Variants in FNIP2 observed in about 807,000 individuals in gnomAD.
The protein encoded by FNIP2 is folliculin-interacting protein 2.
Under a neutral mutation model 108.7 loss-of-function variants are expected in FNIP2, and 32 were observed. The observed-to-expected ratio is 0.29, with a 90% CI of 0.22 to 0.40. The LOEUF (loss-of-function observed/expected upper bound fraction) is 0.40. Among genes scored for constraint, FNIP2 ranks in the 10% least tolerant of loss-of-function variants. The probability of loss-of-function intolerance (pLI) is 1.00; values close to 1 mark genes in which losing one functional copy is unlikely to be tolerated. For synonymous variants in FNIP2, 480 were observed against 496.7 expected, an observed-to-expected ratio of 0.97 and a Z score of 0.45; for missense variants, 1,202 against 1,381.6, an observed-to-expected ratio of 0.87 and a Z score of 2.06.
chr4:158,870,241 T>A, intron 13 of FNIP2, 72 bp from the exon 14 acceptor site: 3 of 1,516,990 alleles, frequency 2.0e-6, no homozygotes, highest in Non-Finnish European at 2.7e-6. Flanking sequence ...ATTGGAGTGC[T>A]TGTACCAATT....
chr4:158,831,977 C>T lies in FNIP2; in HGVS notation c.482+16C>T. On this transcript the variant is annotated intron_variant, in intron 4 of 16. Transcript: ENST00000264433. ...ACTACATACGGTGAGTCTGGGCTTC[C>T]TTTTCTACTAGTTTTGAGAAGTGGA... is the stretch of plus-strand genomic sequence containing the variant. 6.2e-7 allele frequency: 1 copy of T among 1,605,668 alleles called. No individual in the cohort carries two copies. The highest frequency in any genetic ancestry group is 8.5e-7 in the Non-Finnish European group (1 of 1,173,654).
chr4:158,861,548 T>A, intron 11 of FNIP2, 59 bp from the exon 12 acceptor site: 1 of 1,613,670 alleles, frequency 6.2e-7, no homozygotes, highest in South Asian at 1.1e-5. Context: ...GTGTACTGCA[T>A]AGGATGTGCC....
At chr4:158,872,264 T>A (rs1780996061) in intron 14 of FNIP2, 1 of 985,342 alleles carries the variant, frequency 1.0e-6, no homozygotes, top group Admixed American at 6.1e-5. Context: ...GTAAAACCAT[T>A]CATGAAATAT....
At chr4:158,790,017 C>A (rs917117333) in intron 1 of FNIP2, among the ~76,000 whole-genome samples, 1 of 151,990 alleles carries the variant, frequency 6.6e-6, no homozygotes, top group Non-Finnish European at 1.5e-5. Context: ...CACACCTGAC[C>A]TTATGGGTCA....
At chr4:158,872,637 A>G (rs781311898) in intron 14 of FNIP2, 228 of 984,874 alleles carry the variant, frequency 2.3e-4, no homozygotes, top group Non-Finnish European at 2.6e-4. Context: ...TCCAATTAGC[A>G]TTAGTGGATT....
intron 1 of FNIP2, among the ~76,000 whole-genome samples, chr4:158,784,415 CACAG>C (rs1199034924): frequency 5.3e-5 from 8 of 152,190 alleles, no homozygotes; most frequent in Non-Finnish European, 8.8e-5. Flanking sequence ...ACAATTTTTC[CACAG>C]ACAGTGGAGT....
chr4:158,781,536 A>G (rs1251135804), intron 1 of FNIP2, among the ~76,000 whole-genome samples: 1 of 152,072 alleles, frequency 6.6e-6, no homozygotes, highest in Non-Finnish European at 1.5e-5. Flanking sequence ...TTGTTTTGAG[A>G]CAGAGTCTCA....
intron 3 of FNIP2, among the ~76,000 whole-genome samples, chr4:158,830,736 A>G (rs1778435962): frequency 6.6e-6 from 1 of 152,232 alleles, no homozygotes; most frequent in African/African-American, 2.4e-5. Flanking sequence ...TGGAAAGCAC[A>G]CTGACAGAGA....
intron 15 of FNIP2, among the ~76,000 whole-genome samples, chr4:158,892,378 GCTT>G (rs1447309758): frequency 6.6e-6 from 1 of 151,884 alleles, no homozygotes; most frequent in Non-Finnish European, 1.5e-5. Context: ...CAAGCAATCC[GCTT>G]CTTTCCAAAT....
intron 1 of FNIP2, among the ~76,000 whole-genome samples, chr4:158,821,893 G>A (rs2126547523): frequency 6.6e-6 from 1 of 152,236 alleles, no homozygotes; most frequent in Admixed American, 6.5e-5. Flanking sequence ...TTTGAGACCA[G>A]CCTGGGCAAC....
intron 14 of FNIP2, among the ~76,000 whole-genome samples, chr4:158,877,314 C>G (rs754026086): frequency 6.6e-6 from 1 of 152,192 alleles, no homozygotes; most frequent in Non-Finnish European, 1.5e-5. Flanking sequence ...TCCAGACCAT[C>G]TTGCCACACT....
intron 7 of FNIP2, among the ~76,000 whole-genome samples, chr4:158,841,848 T>C (rs1176147353): frequency 6.6e-6 from 1 of 152,252 alleles, no homozygotes; most frequent in African/African-American, 2.4e-5. Context: ...CAACTTGCCT[T>C]GTAGGCATCT....
At chr4:158,862,507 G>A (rs1780353038) in intron 12 of FNIP2, among the ~76,000 whole-genome samples, 1 of 152,172 alleles carries the variant, frequency 6.6e-6, no homozygotes, top group African/African-American at 2.4e-5. Context: ...ATTAAGGAAG[G>A]GGAGATATGG....
chr4:158,779,227 T>TA (rs1775955392), intron 1 of FNIP2, among the ~76,000 whole-genome samples: 1 of 152,174 alleles, frequency 6.6e-6, no homozygotes, highest in South Asian at 2.1e-4. Context: ...TGAAAATGTT[T>TA]AAAAAAACAA....
intron 8 of FNIP2, among the ~76,000 whole-genome samples, chr4:158,857,307 C>A (rs1456328262): frequency 6.6e-6 from 1 of 152,168 alleles, no homozygotes; most frequent in Non-Finnish European, 1.5e-5. Context: ...GAAGAATTTC[C>A]TATACAGAAC....
In FNIP2 at chr4:158,831,566, T is replaced by C. The variant is rs181889282; in HGVS notation, c.382-295T>C. On this transcript the variant is annotated intron_variant, in intron 3 of 16. Transcript: ENST00000264433. ...AATCTTTGTATTTAGAGTTTATAAA[T>C]GGAGATAATAGTAATCTTTGTTTCT... 1.5e-4 allele frequency among the ~76,000 whole-genome samples: 23 copies of C among 152,320 alleles called. No homozygotes were observed. The East Asian group carries it at 4.4e-3, about 29-fold the overall frequency.
At chr4:158,850,757 A>T (rs1305979506) in intron 7 of FNIP2, among the ~76,000 whole-genome samples, 3 of 150,634 alleles carry the variant, frequency 2.0e-5, no homozygotes, top group Non-Finnish European at 4.4e-5. Context: ...ATTACTAAGG[A>T]GGAAATATGT....
intron 1 of FNIP2, among the ~76,000 whole-genome samples, chr4:158,776,955 T>G (rs1775883292): frequency 6.6e-6 from 1 of 152,162 alleles, no homozygotes; most frequent in Non-Finnish European, 1.5e-5. Context: ...ATTTCCTCCT[T>G]TTTGTCAATA....
intron 1 of FNIP2, among the ~76,000 whole-genome samples, chr4:158,805,527 A>AT (rs966995868): frequency 4.0e-5 from 6 of 151,862 alleles, no homozygotes; most frequent in East Asian, 1.9e-4. Flanking sequence ...GCTCGTTATC[A>AT]TTTTTTTTGC....
Sources: allele counts gnomAD v4.1 joint callset (sites outside exome capture counted in the v4.1 genomes callset), GRCh38; gene constraint gnomAD v4.1.1; transcripts MANE v1.5; gene names NCBI Gene and HGNC (gene_info 2026-07-23, HGNC 2026-07-21).